IQGAP1: variants seen among roughly 807,000 people sequenced by gnomAD.
IQGAP1 encodes the protein IQ motif containing GTPase activating protein 1.
A neutral mutation model predicts 215.6 loss-of-function variants in IQGAP1; 66 were observed. The observed-to-expected ratio is 0.31, with a 90% CI of 0.25 to 0.38. IQGAP1 has a LOEUF of 0.38. Among genes scored for constraint, IQGAP1 ranks in the 10% least tolerant of loss-of-function variants. The probability of loss-of-function intolerance (pLI) is 1.00; values close to 1 mark genes in which losing one functional copy is unlikely to be tolerated. For synonymous variants in IQGAP1, 772 were observed against 728.7 expected (o/e 1.06, Z -0.96); for missense variants, 1,712 against 1,997.1 (o/e 0.86, Z 2.72).
At chr15:90,497,138 C>T in intron 36 of IQGAP1, 94 bp from the exon 37 acceptor site, 1 of 684,324 alleles carries the variant, frequency 1.5e-6, no homozygotes, top group Non-Finnish European at 2.5e-6. Context: ...CCTTTTCACT[C>T]TTGAAGACTT....
rs373557239 is a variant in IQGAP1, at chr15:90,421,453, G to T, written c.156-4657G>T. Among the ~76,000 whole-genome samples the T allele has an allele frequency of 2.8e-4, 42 of 150,254 alleles. No homozygotes were observed. In the East Asian group the frequency reaches 6.0e-3, roughly 22 times the overall value. On this transcript the variant is annotated intron_variant, in intron 2 of 37. Transcript: ENST00000268182. ...ATCATGCCACTGCACTTCAGCCTGG[G>T]CAACAGAGCGAGACTCCGTTTCAAA...
chr15:90,450,144 C>G (rs1272211686), intron 11 of IQGAP1, among the ~76,000 whole-genome samples: 1 of 152,056 alleles, frequency 6.6e-6, no homozygotes, highest in Non-Finnish European at 1.5e-5. Context: ...ATGTCCTCCT[C>G]CCCACTACCC....
At chr15:90,453,540 A>G (rs935464039) in intron 13 of IQGAP1, among the ~76,000 whole-genome samples, 2 of 152,356 alleles carry the variant, frequency 1.3e-5, no homozygotes, top group Admixed American at 1.3e-4. Flanking sequence ...GTTAAATAAT[A>G]CTTTTTAAAT....
In IQGAP1 at chr15:90,475,038, C is replaced by T. The variant is rs139585093; in HGVS notation, c.2784+345C>T. ...TTTGCTGACGGAGTTTCCCTCTCGT[C>T]GCTCAGGCTGGAGTGCAGTGGCGTG... On this transcript the variant is annotated intron_variant, in intron 23 of 37. Transcript: ENST00000268182. 2.4e-3 allele frequency among the ~76,000 whole-genome samples: 323 copies of T among 133,318 alleles called. 2 individuals carry two copies. The highest frequency in any genetic ancestry group is 9.2e-3 in the African/African-American group (320 of 34,940). The allele number at this position is 133,318 out of a possible 152,430, so 87.5% of individuals were successfully genotyped here.
intron 11 of IQGAP1, 76 bp from the exon 12 acceptor site, chr15:90,452,699 C>T: frequency 6.8e-7 from 1 of 1,472,100 alleles, no homozygotes; most frequent in South Asian, 1.3e-5. Flanking sequence ...TGATATTTTT[C>T]CCATGAAGAT....
chr15:90,499,947 AT>A, intron 37 of IQGAP1, 47 bp from the exon 38 acceptor site: 1 of 1,145,608 alleles, frequency 8.7e-7, no homozygotes, highest in Non-Finnish European at 1.3e-6. Flanking sequence ...CACAGACTTG[AT>A]TAACTGTCAA....
intron 23 of IQGAP1, chr15:90,475,615 T>G (rs1395338735): frequency 1.3e-5 from 2 of 151,712 alleles, no homozygotes; most frequent in Non-Finnish European, 2.9e-5. Context: ...TAGCTGGACA[T>G]GGTAGTACAT....
In IQGAP1 at chr15:90,448,840, C is replaced by T. The variant is rs557234610; in HGVS notation, c.1077+104C>T. On this transcript the variant is annotated intron_variant, in intron 10 of 37. Transcript: ENST00000268182. ...TGCTGCCTTTGTTTTTCCCCCAATACGACTTTTTCCTCTGCATATAAATTA... is the reference window on the plus strand; with the variant it reads ...TGCTGCCTTTGTTTTTCCCCCAATATGACTTTTTCCTCTGCATATAAATTA... 4.6e-5 allele frequency: 46 copies of T among 1,008,528 alleles called. 1 individual carries two copies. In the South Asian group the frequency reaches 1.1e-3, roughly 24 times the overall value. 62.5% of individuals were successfully genotyped at this position (1,008,528 alleles called of 1,614,324 possible).
chr15:90,454,748 G>A (rs966556759), intron 14 of IQGAP1, among the ~76,000 whole-genome samples, 196 bp downstream of exon 14: 1 of 152,212 alleles, frequency 6.6e-6, no homozygotes, highest in Non-Finnish European at 1.5e-5. Flanking sequence ...TGTCCAGTAA[G>A]AACTAAATTT....
intron 9 of IQGAP1, among the ~76,000 whole-genome samples, chr15:90,445,695 AT>A (rs1965517694): frequency 1.3e-5 from 2 of 152,352 alleles, no homozygotes; most frequent in Non-Finnish European, 2.9e-5. Context: ...CAAGATACTC[AT>A]AACAATAATA....
At chr15:90,466,767 A>T (rs1320460778) in intron 17 of IQGAP1, among the ~76,000 whole-genome samples, 1 of 152,110 alleles carries the variant, frequency 6.6e-6, no homozygotes, top group East Asian at 1.9e-4. Context: ...AAGAAATAAG[A>T]TTTCTTACCC....
At position 90,466,333 on chromosome 15, in the gene IQGAP1, T is replaced by G; in HGVS notation, c.1932T>G (p.Ser644Arg). ...GTGGTGATGTTGGCAAAACACTGAG[T>G]GCCCTTCGCTCCCCTGATGTTGGCT... ...VESGDVGKTL[S>R]ALRSPDVGLY... Residue 644 changes from serine to arginine, a missense_variant, in exon 17 of 38, where the codon AGT (serine) becomes AGG (arginine). Transcript: ENST00000268182. 1 of 1,614,088 alleles carries G rather than the reference T, an allele frequency of 6.2e-7. No homozygotes were observed. Among genetic ancestry groups the G allele is most frequent in the Non-Finnish European group, 8.5e-7 (1 of 1,179,962 alleles).
In IQGAP1 at chr15:90,491,377, T is replaced by C. The variant is rs753670565; in HGVS notation, c.4293T>C (p.Asp1431=). ...CCATGCAGAGACGTGCTATCCGTGA[T>C]GCCAAAACACCTGACAAGATGAAAA... The part of the protein sequence containing the change: ...QRAMQRRAIR[D]AKTPDKMKKS... Residue 1431 remains aspartate, a synonymous_variant, in exon 34 of 38, where the codon GAT becomes GAC. Transcript: ENST00000268182. 3.1e-6 allele frequency: 5 copies of C among 1,614,124 alleles called. No homozygotes were observed. The highest frequency in any genetic ancestry group is 4.2e-6 in the Non-Finnish European group (5 of 1,180,022).
Position 90,499,947 on chromosome 15 carries a change from A to G in IQGAP1, c.4861-48A>G, listed in dbSNP as rs200932762. 2.6e-5 allele frequency: 30 copies of G among 1,145,608 alleles called. No homozygotes were observed. In the Admixed American group the frequency reaches 4.3e-4, roughly 16 times the overall value. The allele number at this position is 1,145,608 out of a possible 1,614,324, so 71.0% of individuals were successfully genotyped here. On this transcript the variant is annotated intron_variant, in intron 37 of 37. Coordinates refer to ENST00000268182, the MANE Select transcript of IQGAP1 (RefSeq NM_003870.4). Reference sequence around the variant, plus strand: ...CCTTTTTCCTTGTTCCACAGACTTGATTAACTGTCAAAATGTTTTGTTTTG... The same window carrying G: ...CCTTTTTCCTTGTTCCACAGACTTGGTTAACTGTCAAAATGTTTTGTTTTG...
intron 2 of IQGAP1, among the ~76,000 whole-genome samples, chr15:90,411,786 A>T (rs1249083895): frequency 6.6e-6 from 1 of 152,176 alleles, no homozygotes; most frequent in Non-Finnish European, 1.5e-5. Context: ...CTCCATGGTA[A>T]GTGGTAAACT....
At chr15:90,489,155 G>A (rs1966170136) in intron 33 of IQGAP1, among the ~76,000 whole-genome samples, 1 of 146,882 alleles carries the variant, frequency 6.8e-6, no homozygotes, top group Admixed American at 6.9e-5. Flanking sequence ...ATTTGAGACA[G>A]AGTCTCACTC....
intron 2 of IQGAP1, among the ~76,000 whole-genome samples, chr15:90,407,285 C>G (rs1715045821): frequency 6.6e-6 from 1 of 152,082 alleles, no homozygotes; most frequent in African/African-American, 2.4e-5. Context: ...AATACTGAGG[C>G]TATATAAAAT....
chr15:90,457,697 C>T (rs761130932), intron 15 of IQGAP1, among the ~76,000 whole-genome samples: 1 of 151,888 alleles, frequency 6.6e-6, no homozygotes, highest in Non-Finnish European at 1.5e-5. Context: ...CCGCCTCAGC[C>T]TCCCAAAGTG....
chr15:90,473,774 C>T lies in IQGAP1; in HGVS notation c.2409C>T (p.Arg803=), dbSNP rs757177133. The change falls in exon 20 of 38, where the codon CGC becomes CGT. Residue 803 remains arginine (R), a synonymous_variant. Transcript: ENST00000268182. ...KAYQDRLAYL[R]SHKDEVVKIQ... is the part of the protein sequence containing the mutation. ...ATCAAGATCGGTTAGCTTACCTGCG[C>T]TCCCACAAAGATGAAGTTGTAAAGG... 2.5e-5 allele frequency: 40 copies of T among 1,612,428 alleles called. No homozygotes were observed. The highest frequency in any genetic ancestry group is 3.3e-5 in the Non-Finnish European group (39 of 1,179,618).
Sources: allele counts gnomAD v4.1 joint callset (sites outside exome capture counted in the v4.1 genomes callset), GRCh38; gene constraint gnomAD v4.1.1; transcripts MANE v1.5; gene names NCBI Gene and HGNC (gene_info 2026-07-23, HGNC 2026-07-21).